Variants in ATG4D observed in about 807,000 individuals in gnomAD.
ATG4D encodes autophagy related 4D cysteine peptidase, also known as cysteine protease ATG4D.
In ATG4D, 51 loss-of-function variants were observed where a neutral mutation model predicts 55.2. The ratio of observed to expected loss-of-function variants is 0.92; its 90% CI spans 0.74 to 1.17. The LOEUF (loss-of-function observed/expected upper bound fraction) is 1.17, where lower values mean the gene tolerates loss of function less well. Ranked by LOEUF, ATG4D falls within the 50% of genes most tolerant of loss-of-function variation. ATG4D has a pLI of 0.00. For missense variants in ATG4D, 635 were observed against 649.6 expected (o/e 0.98, Z 0.25); for synonymous variants, 268 against 266.2 (o/e 1.01, Z -0.07).
In ATG4D at chr19:10,545,857, ACT is replaced by A. The variant is rs1460870319; in HGVS notation, c.493+729_493+730del. On this transcript the variant is annotated intron_variant, in intron 3 of 9. Coordinates refer to ENST00000309469, the MANE Select transcript of ATG4D (RefSeq NM_032885.6). Reference sequence around the variant, plus strand: ...ACTCCAGCCTGGGTGGCAGAGCGAGACTCAGTCTCAAAAAAAAAAAAAGAGTT... The same window carrying A: ...ACTCCAGCCTGGGTGGCAGAGCGAGACAGTCTCAAAAAAAAAAAAAGAGTT... Among the ~76,000 whole-genome samples, 5 of 149,110 alleles carry A rather than the reference ACT, an allele frequency of 3.4e-5. No homozygotes were observed. In the East Asian group the frequency reaches 8.1e-4, roughly 24 times the overall value.
chr19:10,544,426 A>C, intron 1 of ATG4D, 101 bp downstream of exon 1: 1 of 1,129,112 alleles, frequency 8.9e-7, no homozygotes, highest in Non-Finnish European at 1.1e-6. Flanking sequence ...GTCCTGAGTC[A>C]CCTGTGGGTC....
intron 6 of ATG4D, among the ~76,000 whole-genome samples, chr19:10,550,729 T>TTTTTTTG (rs1916195177): frequency 1.4e-5 from 2 of 139,786 alleles, no homozygotes; most frequent in Non-Finnish European, 3.2e-5. Flanking sequence ...TTTTTTTTTT[T>TTTTTTTG]GAGACGGAGT....
At chr19:10,552,386 G>C in intron 9 of ATG4D, 62 bp downstream of exon 9, 2 of 1,542,456 alleles carry the variant, frequency 1.3e-6, no homozygotes, top group Admixed American at 1.9e-5. Flanking sequence ...GGGGGTGAAA[G>C]AGGAACAGAG....
In ATG4D at chr19:10,544,319, A is replaced by C. The variant is rs753246160; in HGVS notation, c.229A>C (p.Lys77Gln). 1 of 1,317,436 alleles carries C rather than the reference A, an allele frequency of 7.6e-7. No homozygotes were observed. The highest frequency in any genetic ancestry group is 3.1e-5 in the Admixed American group (1 of 31,934). 81.6% of individuals were successfully genotyped at this position (1,317,436 alleles called of 1,614,324 possible). A position where few individuals can be genotyped will look rare whatever the true frequency, so the allele number is the denominator to read the frequency against. Residue 77 changes from lysine to glutamine, a missense_variant, in exon 1 of 10, where the codon AAG (lysine) becomes CAG (glutamine). Lys to Gln is a moderately conservative substitution (Grantham distance 53). Coordinates refer to ENST00000309469, the MANE Select transcript of ATG4D (RefSeq NM_032885.6). ...AKFLTAWNNV[K>Q]YGWVVKSRTS... ...GTTCCTGACAGCCTGGAACAACGTC[A>C]AGTACGGTGAGGAGGGGGCCCGGAG...
At chr19:10,552,162 TG>T in intron 8 of ATG4D, 41 bp downstream of exon 8, 1 of 1,600,106 alleles carries the variant, frequency 6.2e-7, no homozygotes, top group Non-Finnish European at 8.5e-7. Flanking sequence ...CCATGGCGGG[TG>T]GGCAGCCCAG....
chr19:10,553,030 C>A lies in ATG4D; in HGVS notation c.1388C>A (p.Ala463Asp). ...CCTCGCACAGGGCGGCTCCTCAGGG[C>A]CAAACGCCCCAGCTCTGAGGACTTT... is the stretch of plus-strand genomic sequence containing the variant. ...RLPRTGRLLR[A>D]KRPSSEDFVF... Residue 463 changes from alanine (A) to aspartate (D), a missense_variant, in exon 10 of 10, where the codon GCC (alanine) becomes GAC (aspartate). Coordinates refer to ENST00000309469, the MANE Select transcript of ATG4D (RefSeq NM_032885.6). 1 of 1,611,572 alleles carries A rather than the reference C, an allele frequency of 6.2e-7. No individual in the cohort carries two copies. Among genetic ancestry groups the A allele is most frequent in the South Asian group, 1.1e-5 (1 of 91,070 alleles).
intron 2 of ATG4D, 30 bp downstream of exon 2, chr19:10,544,896 G>A (rs762258491): frequency 1.3e-6 from 2 of 1,597,082 alleles, no homozygotes; most frequent in East Asian, 4.5e-5. Context: ...CAGGGCTGGG[G>A]GAGGCCTCTC....
Position 10,543,910 on chromosome 19 carries a change from G to T in ATG4D, c.-181G>T, listed in dbSNP as rs970752040. The T allele has an allele frequency of 5.1e-6, 2 of 395,688 alleles. No individual in the cohort carries two copies. Among genetic ancestry groups the T allele is most frequent in the Admixed American group, 9.1e-5 (2 of 21,928 alleles). The allele number at this position is 395,688 out of a possible 1,614,324, so 24.5% of individuals were successfully genotyped here. A position where few individuals can be genotyped will look rare whatever the true frequency, so the allele number is the denominator to read the frequency against. On this transcript the variant is annotated 5_prime_UTR_variant, in exon 1 of 10. Transcript: ENST00000309469. ...ACGCCCACCGTCATCCGGGGTCCTG[G>T]CCCGCTAAGATGGCGATGGCTGCGG...
At chr19:10,552,450 G>A in intron 9 of ATG4D, 126 bp downstream of exon 9, 1 of 1,295,236 alleles carries the variant, frequency 7.7e-7, no homozygotes, top group South Asian at 1.5e-5. Context: ...GTCCTAACCT[G>A]GGAAATGTGA....
At chr19:10,551,779 G>C in intron 6 of ATG4D, 118 bp from the exon 7 acceptor site, 1 of 837,456 alleles carries the variant, frequency 1.2e-6, no homozygotes, top group Non-Finnish European at 2.0e-6. Flanking sequence ...CTGAGGGCAA[G>C]GGTTTTGTGG....
chr19:10,548,792 G>A, intron 5 of ATG4D, 112 bp from the exon 6 acceptor site: 1 of 1,461,766 alleles, frequency 6.8e-7, no homozygotes, highest in Non-Finnish European at 9.3e-7. Context: ...AGTGATGACA[G>A]TGTTGCCCTC....
intron 5 of ATG4D, 39 bp from the exon 6 acceptor site, chr19:10,548,865 G>A (rs748178145): frequency 6.2e-7 from 1 of 1,605,122 alleles, no homozygotes; most frequent in Non-Finnish European, 8.5e-7. Context: ...GGCTTGAAGG[G>A]TGGCAAGAAG....
At chr19:10,547,709 G>C (rs1450371630) in intron 5 of ATG4D, among the ~76,000 whole-genome samples, 1 of 150,306 alleles carries the variant, frequency 6.7e-6, no homozygotes, top group Admixed American at 6.7e-5. Flanking sequence ...AAGGTGGGTG[G>C]ATCACCTGAG....
In ATG4D at chr19:10,544,334, G is replaced by A. The variant is rs1277229696; in HGVS notation, c.235+9G>A. The A allele has an allele frequency of 3.8e-6, 5 of 1,316,100 alleles. No homozygotes were observed. Among genetic ancestry groups the A allele is most frequent in the Non-Finnish European group, 4.9e-6 (5 of 1,024,644 alleles). The allele number at this position is 1,316,100 out of a possible 1,614,324, so 81.5% of individuals were successfully genotyped here. A position where few individuals can be genotyped will look rare whatever the true frequency, so the allele number is the denominator to read the frequency against. On this transcript the variant is annotated intron_variant, in intron 1 of 9. Transcript: ENST00000309469. ...GAACAACGTCAAGTACGGTGAGGAGGGGGCCCGGAGATCGTGGGGGTGTCG... is the reference window on the plus strand; with the variant it reads ...GAACAACGTCAAGTACGGTGAGGAGAGGGCCCGGAGATCGTGGGGGTGTCG...
At chr19:10,544,914 G>A in intron 2 of ATG4D, 43 bp from the exon 3 acceptor site, 4 of 1,585,832 alleles carry the variant, frequency 2.5e-6, no homozygotes, top group Admixed American at 1.7e-5. Flanking sequence ...CTCCACGCCC[G>A]CCGGAGTGTC....
rs893427727 is a variant in ATG4D at position 10,544,153 on chromosome 19, C to A, written c.63C>A (p.Arg21=). The A allele has an allele frequency of 8.0e-7, 1 of 1,244,558 alleles. No homozygotes were observed. Among genetic ancestry groups the A allele is most frequent in the Non-Finnish European group, 1.0e-6 (1 of 987,200 alleles). The allele number at this position is 1,244,558 out of a possible 1,614,324, so 77.1% of individuals were successfully genotyped here. ...GCAGCAGCCCGGAGGACGCGCGCCG[C>A]CGGCCCGAGGCCCGCAGGCCGCGGG... The part of the protein sequence containing the change: ...YRSSSPEDAR[R]RPEARRPRGP... The change falls in exon 1 of 10, where the codon CGC becomes CGA. Residue 21 remains arginine (R), a synonymous_variant. Transcript: ENST00000309469.
In ATG4D at chr19:10,553,346, C is replaced by CG. The variant is rs974732151; in HGVS notation, c.*282dup. The CG allele has an allele frequency of 5.7e-6, 2 of 349,962 alleles. No individual in the cohort carries two copies. The highest frequency in any genetic ancestry group is 4.1e-5 in the African/African-American group (2 of 48,874). The allele number at this position is 349,962 out of a possible 1,614,324, so 21.7% of individuals were successfully genotyped here. A position where few individuals can be genotyped will look rare whatever the true frequency, so the allele number is the denominator to read the frequency against. On this transcript the variant is annotated 3_prime_UTR_variant, in exon 10 of 10. Transcript: ENST00000309469. ...CGTACTGTAGTTTGCACTGGACGCC[C>CG]GGGCCCTCCCTGTCCCAAAGCCCCC...
At chr19:10,546,698 A>G in intron 3 of ATG4D, 141 bp from the exon 4 acceptor site, 1 of 868,592 alleles carries the variant, frequency 1.2e-6, no homozygotes, top group African/African-American at 1.7e-5. Context: ...ATAAATAAGG[A>G]TAAGTATATG....
Position 10,553,039 on chromosome 19 carries a change from C to T in ATG4D, c.1397C>T (p.Pro466Leu). 1 of 1,610,292 alleles carries T rather than the reference C, an allele frequency of 6.2e-7. No individual in the cohort carries two copies. Among genetic ancestry groups the T allele is most frequent in the Non-Finnish European group, 8.5e-7 (1 of 1,179,212 alleles). ...RTGRLLRAKR[P>L]SSEDFVFL ...GGGCGGCTCCTCAGGGCCAAACGCC[C>T]CAGCTCTGAGGACTTTGTGTTTTTA... is the stretch of plus-strand genomic sequence containing the variant. The change falls in exon 10 of 10, where the codon CCC becomes CTC. Residue 466 changes from proline to leucine, a missense_variant. Pro to Leu is a moderately conservative substitution (Grantham distance 98). Coordinates refer to ENST00000309469, the MANE Select transcript of ATG4D (RefSeq NM_032885.6).
Sources: allele counts gnomAD v4.1 joint callset (sites outside exome capture counted in the v4.1 genomes callset), GRCh38; gene constraint gnomAD v4.1.1; transcripts MANE v1.5; gene names NCBI Gene and HGNC (gene_info 2026-07-23, HGNC 2026-07-21).